Variants in DYNC2H1 observed in about 807,000 individuals in gnomAD.
DYNC2H1 encodes dynein cytoplasmic 2 heavy chain 1.
A neutral mutation model predicts 570.0 loss-of-function variants in DYNC2H1; 410 were observed. That is an observed-to-expected ratio of 0.72 (90% CI 0.66 to 0.78). The LOEUF (loss-of-function observed/expected upper bound fraction) is 0.78, where lower values mean the gene tolerates loss of function less well. Ranked by LOEUF, DYNC2H1 falls within the 30% of genes least tolerant of loss-of-function variation. The probability of loss-of-function intolerance (pLI) is 0.00; values close to 1 mark genes in which losing one functional copy is unlikely to be tolerated. For synonymous variants in DYNC2H1, 1,688 were observed against 1,677.6 expected (o/e 1.01, Z -0.15); for missense variants, 4,865 against 5,046.4 (o/e 0.96, Z 1.09).
chr11:103,166,071 T>C (rs1165976211), intron 31 of DYNC2H1, 23 bp downstream of exon 31: 1 of 1,476,400 alleles, frequency 6.8e-7, no homozygotes, highest in African/African-American at 1.4e-5. Flanking sequence ...CATTCCCTTT[T>C]CTGCCTGGTT....
At chr11:103,400,944 A>G (rs1407073551) in intron 84 of DYNC2H1, among the ~76,000 whole-genome samples, 1 of 152,204 alleles carries the variant, frequency 6.6e-6, no homozygotes, top group Non-Finnish European at 1.5e-5. Context: ...GATTATCAAA[A>G]TACTATAGTT....
chr11:103,155,467 C>G lies in DYNC2H1; in HGVS notation c.3710C>G (p.Ala1237Gly), dbSNP rs749879848. ...CTGTTTGGTGATTTGCTCAGAGTAG[C>G]TGATACAATTGTAGCCAAAGCTGCC... is the stretch of plus-strand genomic sequence containing the variant. ...KLLFGDLLRVADTIVAKAADL... is the reference protein window; with the variant it reads ...KLLFGDLLRVGDTIVAKAADL... The change falls in exon 25 of 89, where the codon GCT becomes GGT. Residue 1237 changes from alanine to glycine, a missense_variant. Ala to Gly is a moderately conservative substitution (Grantham distance 60). Transcript: ENST00000375735. The G allele has an allele frequency of 6.2e-7, 1 of 1,611,176 alleles. No homozygotes were observed. Among genetic ancestry groups the G allele is most frequent in the Non-Finnish European group, 8.5e-7 (1 of 1,178,668 alleles).
chr11:103,221,540 G>C (rs1046288096), intron 57 of DYNC2H1, among the ~76,000 whole-genome samples: 4 of 152,170 alleles, frequency 2.6e-5, no homozygotes, highest in African/African-American at 9.6e-5. Context: ...ACATTAGAAA[G>C]ACTGTCCTAC....
Position 103,468,725 on chromosome 11 carries a change from CA to C in DYNC2H1, c.12765+21del. 7 of 1,539,602 alleles carry C rather than the reference CA, an allele frequency of 4.5e-6. No individual in the cohort carries two copies. The highest frequency in any genetic ancestry group is 6.3e-6 in the Non-Finnish European group (7 of 1,117,134). On this transcript the variant is annotated intron_variant, in intron 88 of 88. Coordinates refer to ENST00000375735, the MANE Select transcript of DYNC2H1 (RefSeq NM_001377.3). ...CCACAGGTAATACATTTTTAACAAG[CA>C]CAAGTTTTAATTATATCAGTTCTCT... is the stretch of plus-strand genomic sequence containing the variant.
chr11:103,445,463 G>A (rs541173452), intron 85 of DYNC2H1, among the ~76,000 whole-genome samples: 28 of 152,104 alleles, frequency 1.8e-4, no homozygotes, highest in Non-Finnish European at 3.2e-4. Context: ...GACTTGCTTC[G>A]GAAAAAAAGA....
rs990126830 is a variant in DYNC2H1 at position 103,228,537 on chromosome 11, A to G, written c.9354-2723A>G. 2.6e-5 allele frequency among the ~76,000 whole-genome samples: 4 copies of G among 151,990 alleles called. No homozygotes were observed. Among genetic ancestry groups the G allele is most frequent in the African/African-American group, 9.7e-5 (4 of 41,360 alleles). Reference sequence around the variant, plus strand: ...TGTCTGCACAGAGTCCTGTGATGTGATCTGTCTTCAGGTATCTTAGCTGTG... The same window carrying G: ...TGTCTGCACAGAGTCCTGTGATGTGGTCTGTCTTCAGGTATCTTAGCTGTG... On this transcript the variant is annotated intron_variant, in intron 59 of 88. Transcript: ENST00000375735. The surrounding 1 kb of genome is among the most constrained non-coding windows in gnomAD (Gnocchi z 6.1).
intron 67 of DYNC2H1, 136 bp from the exon 68 acceptor site, chr11:103,255,970 G>A (rs600202): frequency 2.4e-5 from 16 of 665,566 alleles, no homozygotes; most frequent in South Asian, 6.0e-5. Context: ...CTTTAAGAGG[G>A]CTATAAAATG....
At chr11:103,425,813 GTTAAAAGTTTAATATTTAAAAGT>G (rs1943651032) in intron 84 of DYNC2H1, among the ~76,000 whole-genome samples, 1 of 151,414 alleles carries the variant, frequency 6.6e-6, no homozygotes, top group African/African-American at 2.4e-5. Flanking sequence ...AAAAAAGAAG[GTTAAAAGTTTAATATTTAAAAGT>G]TTAATGTTTA....
chr11:103,473,432 A>G (rs1343146630), intron 88 of DYNC2H1, among the ~76,000 whole-genome samples: 2 of 152,104 alleles, frequency 1.3e-5, no homozygotes, highest in Non-Finnish European at 2.9e-5. Flanking sequence ...AAATTAAGAT[A>G]TAGCTAGAGG....
intron 59 of DYNC2H1, 68 bp from the exon 60 acceptor site, chr11:103,231,192 G>T: frequency 3.4e-6 from 3 of 878,490 alleles, no homozygotes; most frequent in Non-Finnish European, 5.3e-6. Flanking sequence ...ACATTTTAAG[G>T]TGCTGCTGCT....
chr11:103,464,366 A>G (rs1160153315), intron 87 of DYNC2H1, among the ~76,000 whole-genome samples: 1 of 152,198 alleles, frequency 6.6e-6, no homozygotes, highest in Non-Finnish European at 1.5e-5. Context: ...TGAGACAAAA[A>G]CAATAGTTTC....
rs1938439626 is a variant in DYNC2H1, at chr11:103,325,837, G to C, written c.12039+1847G>C. On this transcript the variant is annotated intron_variant, in intron 82 of 88. Transcript: ENST00000375735. The surrounding 1 kb of genome is among the most constrained non-coding windows in gnomAD (Gnocchi z 4.8). ...ATTCTACGTCATTTCAGACATTTCA[G>C]TCTCATTAGGGACCGTTGCTGGTGG... Among the ~76,000 whole-genome samples, 2 of 152,100 alleles carry C rather than the reference G, an allele frequency of 1.3e-5. No individual in the cohort carries two copies. The highest frequency in any genetic ancestry group is 4.8e-5 in the African/African-American group (2 of 41,412).
chr11:103,114,408 A>G (rs1368520227), intron 3 of DYNC2H1, among the ~76,000 whole-genome samples, 170 bp downstream of exon 3: 2 of 152,224 alleles, frequency 1.3e-5, no homozygotes, highest in African/African-American at 4.8e-5. Context: ...GGAAAATATA[A>G]TTGTTAATAA....
At chr11:103,217,714 T>C (rs1246634857) in intron 55 of DYNC2H1, among the ~76,000 whole-genome samples, 1 of 152,066 alleles carries the variant, frequency 6.6e-6, no homozygotes, top group South Asian at 2.1e-4. Flanking sequence ...AAAAAGAAAA[T>C]TGATAAATTG....
chr11:103,292,173 T>C (rs1037067960), intron 75 of DYNC2H1, among the ~76,000 whole-genome samples: 11 of 151,918 alleles, frequency 7.2e-5, no homozygotes, highest in Non-Finnish European at 8.8e-5. Flanking sequence ...TTTTTTTCCT[T>C]TCTTCCTGTC....
intron 71 of DYNC2H1, among the ~76,000 whole-genome samples, chr11:103,281,769 G>T (rs1163406557): frequency 6.7e-6 from 1 of 150,304 alleles, no homozygotes; most frequent in Non-Finnish European, 1.5e-5. Context: ...AGAAAAAAAT[G>T]CGTTAATGGA....
intron 84 of DYNC2H1, among the ~76,000 whole-genome samples, chr11:103,419,023 G>A (rs1565582930): frequency 6.6e-6 from 1 of 152,188 alleles, no homozygotes; most frequent in African/African-American, 2.4e-5. Context: ...GCTGAATTCA[G>A]GGAGCCAAGC....
At chr11:103,430,474 C>T (rs1449273764) in intron 84 of DYNC2H1, among the ~76,000 whole-genome samples, 1 of 151,854 alleles carries the variant, frequency 6.6e-6, no homozygotes, top group Admixed American at 6.6e-5. Context: ...AGAATATTAC[C>T]GTACATTTTT....
In DYNC2H1 at chr11:103,334,953, C is replaced by A. The variant is rs972567609; in HGVS notation, c.12039+10963C>A. ...AAACAAATAAAAAACACCAGAGAAA[C>A]CAAATGTTCCTTAATTATTCACCTT... On this transcript the variant is annotated intron_variant, in intron 82 of 88. Coordinates refer to ENST00000375735, the MANE Select transcript of DYNC2H1 (RefSeq NM_001377.3). This position sits in a 1 kb window ranked among gnomAD's most constrained non-coding sequence, Gnocchi z 4.3. 2.0e-5 allele frequency among the ~76,000 whole-genome samples: 3 copies of A among 152,096 alleles called. No individual in the cohort carries two copies. In the South Asian group the frequency reaches 6.2e-4, roughly 32 times the overall value.
Sources: allele counts gnomAD v4.1 joint callset (sites outside exome capture counted in the v4.1 genomes callset), GRCh38; gene constraint gnomAD v4.1.1; non-coding constraint Gnocchi (gnomAD v3.1); transcripts MANE v1.5; gene names NCBI Gene and HGNC (gene_info 2026-07-23, HGNC 2026-07-21).